The following CDK13 variants were observed in gnomAD, a reference collection of about 807,000 sequenced individuals.
The protein encoded by CDK13 is cyclin-dependent kinase 13.
In CDK13, 40 loss-of-function variants were observed where a neutral mutation model predicts 137.6. That is an observed-to-expected ratio of 0.29 (90% CI 0.23 to 0.38). CDK13 has a LOEUF of 0.38. Ranked by LOEUF, CDK13 falls within the 10% of genes least tolerant of loss-of-function variation. The pLI, the probability that CDK13 is intolerant of heterozygous loss-of-function variation, is 1.00. For missense variants in CDK13, 1,704 were observed against 1,951.8 expected (o/e 0.87, Z 2.39); for synonymous variants, 869 against 760.1 (o/e 1.14, Z -2.36).
chr7:40,027,064 C>G (rs1785258186), intron 5 of CDK13, among the ~76,000 whole-genome samples: 1 of 152,168 alleles, frequency 6.6e-6, no homozygotes, highest in Non-Finnish European at 1.5e-5. Context: ...TTTTATTAGG[C>G]TGAGTGCAGT....
intron 1 of CDK13, among the ~76,000 whole-genome samples, chr7:39,955,332 G>T (rs1411888295): frequency 6.6e-6 from 1 of 152,124 alleles, no homozygotes; most frequent in East Asian, 1.9e-4. Flanking sequence ...TTTGTTCCAA[G>T]GTCAGCTTGG....
intron 12 of CDK13, among the ~76,000 whole-genome samples, chr7:40,090,718 C>G (rs575296972): frequency 6.6e-6 from 1 of 151,956 alleles, no homozygotes; most frequent in African/African-American, 2.4e-5. Context: ...AACCCCGTCT[C>G]TACAAAAAAT....
At chr7:40,076,296 C>T (rs937102069) in intron 9 of CDK13, among the ~76,000 whole-genome samples, 3 of 152,128 alleles carry the variant, frequency 2.0e-5, no homozygotes. Flanking sequence ...AATGTCAAAC[C>T]AGTAGCATGC....
In CDK13 at chr7:40,045,818, A is replaced by G. The variant is rs757119360; in HGVS notation, c.2354-18A>G. The stretch of plus-strand genomic sequence containing the variant: ...TGTAGGAATAAGTTTCTAATGTATT[A>G]ATTATTCTCATTCTTAGGTGCATTT... On this transcript the variant is annotated intron_variant, in intron 5 of 13. Coordinates refer to ENST00000181839, the MANE Select transcript of CDK13 (RefSeq NM_003718.5). 1 of 1,532,614 alleles carries G rather than the reference A, an allele frequency of 6.5e-7. No individual in the cohort carries two copies. The highest frequency in any genetic ancestry group is 9.0e-7 in the Non-Finnish European group (1 of 1,115,022). The allele number at this position is 1,532,614 out of a possible 1,614,324, so 94.9% of individuals were successfully genotyped here.
chr7:39,956,125 G>A (rs1414723614), intron 1 of CDK13, among the ~76,000 whole-genome samples: 2 of 152,080 alleles, frequency 1.3e-5, no homozygotes, highest in African/African-American at 4.8e-5. Context: ...ATATGCCACT[G>A]ATTTAATATA....
chr7:39,998,483 G>A (rs1284342152), intron 3 of CDK13: 1 of 153,800 alleles, frequency 6.5e-6, no homozygotes, highest in Non-Finnish European at 1.4e-5. Flanking sequence ...GCCGGGTGTG[G>A]TGGTGCATGC....
intron 5 of CDK13, among the ~76,000 whole-genome samples, chr7:40,002,492 A>G (rs542520125): frequency 6.6e-6 from 1 of 152,306 alleles, no homozygotes; most frequent in South Asian, 2.1e-4. Context: ...ATATATGTAT[A>G]GTTATTATTT....
intron 1 of CDK13, among the ~76,000 whole-genome samples, chr7:39,972,427 A>T (rs1427027153): frequency 6.6e-6 from 1 of 152,322 alleles, no homozygotes; most frequent in South Asian, 2.1e-4. Context: ...AGAATATTTC[A>T]GTCACTCCAG....
chr7:39,975,137 G>A (rs1784079541), intron 1 of CDK13, among the ~76,000 whole-genome samples: 1 of 152,114 alleles, frequency 6.6e-6, no homozygotes, highest in South Asian at 2.1e-4. Flanking sequence ...TTCTGGGTTG[G>A]GCATGGTGGC....
chr7:39,999,422 G>T lies in CDK13; in HGVS notation c.2104G>T (p.Val702Leu). 1 of 1,613,420 alleles carries T rather than the reference G, an allele frequency of 6.2e-7. No homozygotes were observed. The highest frequency in any genetic ancestry group is 8.5e-7 in the Non-Finnish European group (1 of 1,179,538). ...AGATATTGACTGGGGAAAACGCTGCGTGGATAAATTTGATATCATCGGAAT... is the reference window on the plus strand; with the variant it reads ...AGATATTGACTGGGGAAAACGCTGCTTGGATAAATTTGATATCATCGGAAT... Reference protein sequence around the residue: ...EKDIDWGKRCVDKFDIIGIIG... With the variant: ...EKDIDWGKRCLDKFDIIGIIG... Residue 702 changes from valine to leucine, a missense_variant, in exon 4 of 14, where the codon GTG becomes TTG. Coordinates refer to ENST00000181839, the MANE Select transcript of CDK13 (RefSeq NM_003718.5).
intron 1 of CDK13, among the ~76,000 whole-genome samples, chr7:39,969,437 TTTGAG>T (rs1380309456): frequency 7.9e-5 from 12 of 152,214 alleles, no homozygotes; most frequent in African/African-American, 2.9e-4. Flanking sequence ...TTGGTAGGCA[TTTGAG>T]TTATTTCCAG....
rs752369603 is a variant in CDK13 at position 40,062,931 on chromosome 7, A to G, written c.2702+4A>G. The G allele has an allele frequency of 2.5e-6, 4 of 1,610,576 alleles. No homozygotes were observed. In the East Asian group the frequency reaches 8.9e-5, roughly 36 times the overall value. ...CCATTGATGTATGGAGCTGTGGGTA[A>G]GATAGCCTTATTTACTGGTTTATTT... On this transcript the variant is annotated splice_donor_region_variant and intron_variant, in intron 8 of 13. Transcript: ENST00000181839.
intron 7 of CDK13, among the ~76,000 whole-genome samples, chr7:40,060,347 A>G (rs1786114660): frequency 6.6e-6 from 1 of 152,214 alleles, no homozygotes; most frequent in African/African-American, 2.4e-5. Flanking sequence ...ATAAATTTAA[A>G]CATTTCCTTG....
At position 39,951,491 on chromosome 7, in the gene CDK13, A is replaced by G. The variant is rs1224616211; in HGVS notation, c.850A>G (p.Lys284Glu). ...CTCGAAGGCCCACCGCAGCCGGACTAAGTCGTCCAAGGAGCCGCCTTCGGC... is the reference window on the plus strand; with the variant it reads ...CTCGAAGGCCCACCGCAGCCGGACTGAGTCGTCCAAGGAGCCGCCTTCGGC... ...RDSKAHRSRT[K>E]SSKEPPSAYK... The change falls in exon 1 of 14, where the codon AAG becomes GAG. Residue 284 changes from lysine to glutamate, a missense_variant. By Grantham distance (56) the Lys-to-Glu change is moderately conservative. This residue lies in a region of CDK13 where 1,051 missense variants were observed against 931.0 expected (regional missense o/e 1.13). Transcript: ENST00000181839. The G allele has an allele frequency of 5.9e-6, 9 of 1,536,896 alleles. No individual in the cohort carries two copies. Among genetic ancestry groups the G allele is most frequent in the African/African-American group, 5.6e-5 (4 of 71,402 alleles).
chr7:40,059,808 T>A (rs1786101657), intron 7 of CDK13, among the ~76,000 whole-genome samples: 1 of 152,264 alleles, frequency 6.6e-6, no homozygotes, highest in African/African-American at 2.4e-5. Flanking sequence ...GTCTGAATGT[T>A]TGTTTGCTTC....
intron 7 of CDK13, chr7:40,048,318 A>C (rs536055451): frequency 6.5e-6 from 1 of 153,392 alleles, no homozygotes; most frequent in Admixed American, 6.5e-5. Context: ...TGTTGGGAGG[A>C]TGTTCACTGT....
intron 9 of CDK13, chr7:40,071,333 C>A (rs532425226): frequency 6.6e-6 from 1 of 152,078 alleles, no homozygotes; most frequent in Admixed American, 6.6e-5. Flanking sequence ...AAGTCTATAA[C>A]GTCTATAGTT....
At chr7:40,081,634 CTCTTT>C (rs1786665258) in intron 11 of CDK13, among the ~76,000 whole-genome samples, 1 of 152,124 alleles carries the variant, frequency 6.6e-6, no homozygotes, top group African/African-American at 2.4e-5. Flanking sequence ...TGACTAAAAG[CTCTTT>C]TCTTGATTAA....
chr7:40,015,479 A>G lies in CDK13; in HGVS notation c.2353+13448A>G, dbSNP rs1261586687. On this transcript the variant is annotated intron_variant, in intron 5 of 13. Transcript: ENST00000181839. ...GTTTTCTTCATCTGCAAAATGGGGT[A>G]ATAATGACTAACTCACAGGTTTGTT... Among the ~76,000 whole-genome samples, 14 of 152,290 alleles carry G rather than the reference A, an allele frequency of 9.2e-5. No individual in the cohort carries two copies. In the East Asian group the frequency reaches 2.1e-3, roughly 23 times the overall value.
Sources: gnomAD v4.1 joint callset for allele counts (sites outside exome capture counted in the v4.1 genomes callset) on GRCh38, gnomAD v4.1.1 for gene constraint, gnomAD v4.1.1 regional missense constraint, MANE v1.5 for transcripts, NCBI Gene and HGNC (gene_info 2026-07-23, HGNC 2026-07-21) for gene names.